PITPNC1: variants seen among roughly 807,000 people sequenced by gnomAD.
The protein encoded by PITPNC1 is cytoplasmic phosphatidylinositol transfer protein 1.
PITPNC1 carries 18 observed loss-of-function variants against 44.7 expected under a neutral mutation model. The observed-to-expected ratio is 0.40, with a 90% confidence interval of 0.28 to 0.60. The LOEUF is 0.60. Among genes scored for constraint, PITPNC1 ranks in the 20% least tolerant of loss-of-function variants. The pLI, the probability that PITPNC1 is intolerant of heterozygous loss-of-function variation, is 0.39. For synonymous variants in PITPNC1, 141 were observed against 149.6 expected (o/e 0.94, Z 0.42); for missense variants, 290 against 418.4 (o/e 0.69, Z 2.68).
intron 1 of PITPNC1, among the ~76,000 whole-genome samples, chr17:67,446,929 A>G (rs1296252667): frequency 6.6e-6 from 1 of 151,644 alleles, no homozygotes; most frequent in African/African-American, 2.4e-5. Context: ...ATCTCTACTA[A>G]AAATACAAAA....
chr17:67,383,705 T>C (rs933858634), intron 1 of PITPNC1, among the ~76,000 whole-genome samples: 2 of 152,212 alleles, frequency 1.3e-5, no homozygotes, highest in African/African-American at 4.8e-5. Flanking sequence ...TAATATTATC[T>C]AAGGCAGGAA....
At chr17:67,471,187 A>G (rs1233134379) in intron 1 of PITPNC1, among the ~76,000 whole-genome samples, 1 of 134,604 alleles carries the variant, frequency 7.4e-6, no homozygotes, top group African/African-American at 3.0e-5. Flanking sequence ...AGAAACACCC[A>G]AGAATTATCA....
intron 1 of PITPNC1, chr17:67,379,367 A>C (rs2037923442): frequency 1.0e-6 from 1 of 985,376 alleles, no homozygotes; most frequent in African/African-American, 1.7e-5. Context: ...GGCTGTCCGT[A>C]TTTGCCATCT....
chr17:67,687,674 T>C (rs2042841480), intron 8 of PITPNC1, among the ~76,000 whole-genome samples: 1 of 152,132 alleles, frequency 6.6e-6, no homozygotes, highest in African/African-American at 2.4e-5. Flanking sequence ...CCTTTTTACT[T>C]AGGATAATCT....
intron 1 of PITPNC1, among the ~76,000 whole-genome samples, chr17:67,404,887 C>T (rs1268719271): frequency 1.3e-5 from 2 of 152,022 alleles, no homozygotes; most frequent in African/African-American, 4.8e-5. Context: ...CCTATAGGAG[C>T]TTTTATAGTG....
intron 1 of PITPNC1, among the ~76,000 whole-genome samples, chr17:67,428,195 G>A (rs1411549564): frequency 1.3e-5 from 2 of 151,902 alleles, no homozygotes; most frequent in South Asian, 2.1e-4. Context: ...TACTTTAGAG[G>A]GTTTAGGAAT....
chr17:67,389,855 A>G (rs760436363), intron 1 of PITPNC1, among the ~76,000 whole-genome samples: 1 of 151,954 alleles, frequency 6.6e-6, no homozygotes, highest in Non-Finnish European at 1.5e-5. Context: ...AATTGTTTGT[A>G]TTTTTAGTAG....
intron 1 of PITPNC1, among the ~76,000 whole-genome samples, chr17:67,456,306 T>A (rs2039253766): frequency 6.6e-6 from 1 of 152,212 alleles, no homozygotes; most frequent in Non-Finnish European, 1.5e-5. Context: ...GTATTTTAGA[T>A]GGGCCTCTTG....
In PITPNC1 at chr17:67,399,830, G is replaced by A. The variant is rs76587700; in HGVS notation, c.48+21628G>A. ...GAGCCAAAGTACCTGTAAGTTGCCC[G>A]GAGTTGGGGTTGGTGCAATACTGTG... On this transcript the variant is annotated intron_variant, in intron 1 of 8. Transcript: ENST00000581322. Among the ~76,000 whole-genome samples, 808 of 152,250 alleles carry A rather than the reference G, an allele frequency of 5.3e-3. 9 individuals are homozygous for A. The highest frequency in any genetic ancestry group is 0.018 in the African/African-American group (768 of 41,534).
intron 1 of PITPNC1, among the ~76,000 whole-genome samples, chr17:67,473,687 T>C (rs1167825398): frequency 3.3e-5 from 5 of 152,160 alleles, no homozygotes; most frequent in African/African-American, 1.2e-4. Flanking sequence ...CAAGTGATGC[T>C]CATGCCTCAG....
intron 4 of PITPNC1, among the ~76,000 whole-genome samples, chr17:67,571,160 A>G (rs1257354787): frequency 2.0e-5 from 3 of 152,192 alleles, no homozygotes; most frequent in Admixed American, 2.0e-4. Context: ...GCTGGGTGCA[A>G]TGGCTCATGC....
At chr17:67,421,157 C>A (rs1414002871) in intron 1 of PITPNC1, among the ~76,000 whole-genome samples, 1 of 152,130 alleles carries the variant, frequency 6.6e-6, no homozygotes, top group Non-Finnish European at 1.5e-5. Context: ...GAGAACTTGG[C>A]AGGTGGAGCA....
intron 4 of PITPNC1, among the ~76,000 whole-genome samples, chr17:67,571,207 G>A (rs1263899318): frequency 2.0e-5 from 3 of 152,184 alleles, no homozygotes; most frequent in East Asian, 3.9e-4. Flanking sequence ...GAGGTTGGAG[G>A]ATCGCTTGAG....
chr17:67,480,857 A>G (rs188185240), intron 1 of PITPNC1, among the ~76,000 whole-genome samples: 2 of 152,290 alleles, frequency 1.3e-5, no homozygotes, highest in East Asian at 1.9e-4. Flanking sequence ...CAAAGCACAC[A>G]TGGGTAGAAG....
At chr17:67,610,488 T>C (rs996890665) in intron 5 of PITPNC1, among the ~76,000 whole-genome samples, 3 of 152,220 alleles carry the variant, frequency 2.0e-5, no homozygotes, top group African/African-American at 7.2e-5. Context: ...TTTTTTCTCT[T>C]ACAAATTCTT....
chr17:67,687,245 T>G (rs2042833744), intron 8 of PITPNC1: 1 of 883,364 alleles, frequency 1.1e-6, no homozygotes, highest in Non-Finnish European at 1.9e-6. Flanking sequence ...TAAACTGATC[T>G]GGGAAATACT....
At chr17:67,392,677 C>T (rs1277610550) in intron 1 of PITPNC1, among the ~76,000 whole-genome samples, 1 of 152,100 alleles carries the variant, frequency 6.6e-6, no homozygotes, top group Non-Finnish European at 1.5e-5. Flanking sequence ...CTAGATTCCC[C>T]AGGGGAGAGT....
chr17:67,563,061 G>A (rs1598824555), intron 4 of PITPNC1, among the ~76,000 whole-genome samples: 1 of 152,142 alleles, frequency 6.6e-6, no homozygotes, highest in African/African-American at 2.4e-5. Context: ...TAAACTCTAT[G>A]CCTGCCCTCA....
chr17:67,547,245 T>A (rs915240544), intron 2 of PITPNC1, among the ~76,000 whole-genome samples: 9 of 152,336 alleles, frequency 5.9e-5, no homozygotes, highest in African/African-American at 2.2e-4. Flanking sequence ...CCAGGTGCAC[T>A]GGCTCATGCC....
Sources: allele counts gnomAD v4.1 joint callset (sites outside exome capture counted in the v4.1 genomes callset), GRCh38; gene constraint gnomAD v4.1.1; transcripts MANE v1.5; gene names NCBI Gene and HGNC (gene_info 2026-07-23, HGNC 2026-07-21).